ODAD3: variants seen among roughly 807,000 people sequenced by gnomAD.
ODAD3 encodes the protein outer dynein arm-docking complex subunit 3.
In ODAD3, 57 loss-of-function variants were observed where a neutral mutation model predicts 70.9. That is an observed-to-expected ratio of 0.80 (90% CI 0.65 to 1.00). ODAD3 has a LOEUF of 1.00. ODAD3 is among the 50% of genes least tolerant of loss of function. The pLI, the probability that ODAD3 is intolerant of heterozygous loss-of-function variation, is 0.00. For missense variants in ODAD3, 797 were observed against 763.9 expected (o/e 1.04, Z -0.51); for synonymous variants, 327 against 315.9 (o/e 1.04, Z -0.37).
Position 11,422,407 on chromosome 19 carries a change from C to A in ODAD3, c.1434+64G>T, listed in dbSNP as rs1421639618. The A allele has an allele frequency of 2.7e-6, 4 of 1,463,806 alleles. No individual in the cohort carries two copies. The highest frequency in any genetic ancestry group is 3.6e-6 in the Non-Finnish European group (4 of 1,103,708). 90.7% of individuals were successfully genotyped at this position (1,463,806 alleles called of 1,614,324 possible). A position where few individuals can be genotyped will look rare whatever the true frequency, so the allele number is the denominator to read the frequency against. ...GCAAGCTGGTGTGGCAGGAACCCCG[C>A]TTCGTGGCTGCGCCTCTGCGGTCCC... On this transcript the variant is annotated intron_variant, in intron 10 of 12. Coordinates refer to ENST00000356392, the MANE Select transcript of ODAD3 (RefSeq NM_145045.5). The surrounding 1 kb of genome is among the most constrained non-coding windows in gnomAD (Gnocchi z 4.6).
chr19:11,431,568 A>C (rs1279085434), intron 1 of ODAD3, among the ~76,000 whole-genome samples: 1 of 151,292 alleles, frequency 6.6e-6, no homozygotes, highest in Non-Finnish European at 1.5e-5. Flanking sequence ...AGGCGGGCGG[A>C]TCACCTGAGG....
At chr19:11,429,621 G>C (rs1969460551) in intron 3 of ODAD3, among the ~76,000 whole-genome samples, 1 of 151,928 alleles carries the variant, frequency 6.6e-6, no homozygotes, top group South Asian at 2.1e-4. Context: ...TCTTGGCCAG[G>C]CTGGTCTAGA....
At chr19:11,429,957 C>T (rs7253102) in intron 3 of ODAD3, among the ~76,000 whole-genome samples, 357 of 151,910 alleles carry the variant, frequency 2.4e-3, no homozygotes, top group African/African-American at 8.0e-3. Flanking sequence ...CCAGCCTCAG[C>T]CTCCTGAATA....
rs1233051844 is a variant in ODAD3 at position 11,422,082 on chromosome 19, CA to C, written c.1435-251del. 6.6e-6 allele frequency among the ~76,000 whole-genome samples: 1 copy of C among 152,106 alleles called. No homozygotes were observed. Among genetic ancestry groups the C allele is most frequent in the Non-Finnish European group, 1.5e-5 (1 of 68,008 alleles). ...GGAACAGTAAGGATTCGAGGGAGGC[CA>C]TTGTGGGATGGCCTCCTGAAGAAAT... On this transcript the variant is annotated intron_variant, in intron 10 of 12. Transcript: ENST00000356392. The surrounding 1 kb of genome is among the most constrained non-coding windows in gnomAD (Gnocchi z 4.6).
In ODAD3 at chr19:11,421,712, C is replaced by T. The variant is rs1599451756; in HGVS notation, c.1555G>A (p.Val519Met). 4 of 1,613,316 alleles carry T rather than the reference C, an allele frequency of 2.5e-6. No homozygotes were observed. Among genetic ancestry groups the T allele is most frequent in the Non-Finnish European group, 1.7e-6 (2 of 1,179,954 alleles). Reference sequence around the variant, plus strand: ...GCGATGTGGCACAGCATCTCCTGCACGTCGTGGCCCTGGAGCTGCGCCTGC... The same window carrying T: ...GCGATGTGGCACAGCATCTCCTGCATGTCGTGGCCCTGGAGCTGCGCCTGC... Reference protein sequence around the residue: ...KLQAQLQGHDVQEMLCHIANR... With the variant: ...KLQAQLQGHDMQEMLCHIANR... The change falls in exon 11 of 13, where the codon GTG (valine) becomes ATG (methionine). Residue 519 changes from valine (V) to methionine (M), a missense_variant. Val to Met is a conservative substitution (Grantham distance 21, BLOSUM62 1). Transcript: ENST00000356392.
intron 3 of ODAD3, among the ~76,000 whole-genome samples, chr19:11,427,287 T>A (rs1464929489): frequency 6.6e-6 from 1 of 151,804 alleles, no homozygotes. Context: ...ATTTTTAAAT[T>A]TTTCTTTCTT....
intron 3 of ODAD3, among the ~76,000 whole-genome samples, chr19:11,427,764 G>A (rs879614425): frequency 1.6e-4 from 24 of 151,734 alleles, no homozygotes; most frequent in Non-Finnish European, 3.4e-4. Flanking sequence ...TTACAGACGT[G>A]AGCCACCTCA....
At chr19:11,433,807 G>A (rs994225645) in intron 1 of ODAD3, among the ~76,000 whole-genome samples, 1 of 152,044 alleles carries the variant, frequency 6.6e-6, no homozygotes, top group Non-Finnish European at 1.5e-5. Context: ...TATGCCTGTA[G>A]TCCCAGCTAC....
rs138586590 is a variant in ODAD3 at position 11,435,025 on chromosome 19, T to TG, written c.-10dup. 196 of 1,606,626 alleles carry TG rather than the reference T, an allele frequency of 1.2e-4. No homozygotes were observed. In the East Asian group the frequency reaches 2.7e-3, roughly 22 times the overall value. ...CACAGAGGAGATGTCATGATGGGGT[T>TG]GGGGCTGAAGGCCCCTAGGGGTTAG... On this transcript the variant is annotated 5_prime_UTR_variant, in exon 1 of 13. Coordinates refer to ENST00000356392, the MANE Select transcript of ODAD3 (RefSeq NM_145045.5).
chr19:11,426,024 G>T, intron 7 of ODAD3, 120 bp downstream of exon 7: 2 of 1,351,716 alleles, frequency 1.5e-6, no homozygotes, highest in Non-Finnish European at 2.0e-6. Context: ...AGTCAGAGAG[G>T]GGGCGGGGTT....
In ODAD3 at chr19:11,426,883, T is replaced by G. The variant is rs780554581; in HGVS notation, c.602A>C (p.Glu201Ala). 1.2e-6 allele frequency: 2 copies of G among 1,609,274 alleles called. No individual in the cohort carries two copies. The highest frequency in any genetic ancestry group is 3.3e-5 in the Admixed American group (2 of 59,888). ...EMAEAQNRHT[E>A]VAKTMRNLEN... is the part of the protein sequence containing the mutation. The stretch of plus-strand genomic sequence containing the variant: ...CTCACCCGCCCCTACCTTGGCCACC[T>G]CCGTGTGTCTGTTTTGCGCCTCCGC... The change falls in exon 4 of 13, where the codon GAG (glutamate) becomes GCG (alanine). Residue 201 changes from glutamate (E) to alanine (A), a missense_variant. Transcript: ENST00000356392.
chr19:11,422,194 T>A lies in ODAD3; in HGVS notation c.1434+277A>T, dbSNP rs1004104948. On this transcript the variant is annotated intron_variant, in intron 10 of 12. Coordinates refer to ENST00000356392, the MANE Select transcript of ODAD3 (RefSeq NM_145045.5). This position sits in a 1 kb window ranked among gnomAD's most constrained non-coding sequence, Gnocchi z 4.6. ...GTCTCCGAGCTTTTCGGGGACAGGG[T>A]GGGACTTCTTTCCCTTGGAGGCGGA... Among the ~76,000 whole-genome samples the A allele has an allele frequency of 6.6e-6, 1 of 151,974 alleles. No homozygotes were observed. Among genetic ancestry groups the A allele is most frequent in the African/African-American group, 2.4e-5 (1 of 41,366 alleles).
chr19:11,435,046 G>A lies in ODAD3; in HGVS notation c.-30C>T. On this transcript the variant is annotated 5_prime_UTR_variant, in exon 1 of 13. Coordinates refer to ENST00000356392, the MANE Select transcript of ODAD3 (RefSeq NM_145045.5). ...GGGTTGGGGCTGAAGGCCCCTAGGGGTTAGGGGGATAACTAGGAGTCAGTC... is the reference window on the plus strand; with the variant it reads ...GGGTTGGGGCTGAAGGCCCCTAGGGATTAGGGGGATAACTAGGAGTCAGTC... 1 of 1,576,588 alleles carries A rather than the reference G, an allele frequency of 6.3e-7. No individual in the cohort carries two copies.
intron 12 of ODAD3, 57 bp from the exon 13 acceptor site, chr19:11,421,004 G>A: frequency 1.9e-6 from 3 of 1,589,420 alleles, no homozygotes; most frequent in Admixed American, 1.7e-5. Context: ...CCCCATCCCT[G>A]GCTCCCCTTC....
In ODAD3 at chr19:11,421,692, G is replaced by A; in HGVS notation, c.1575C>T (p.His525=). Residue 525 remains histidine (H), a synonymous_variant, in exon 11 of 13, where the codon CAC becomes CAT. Transcript: ENST00000356392. ...QGHDVQEMLC[H]IANREFLASL... ...TGCAGGGCACCTCGCGGTTAGCGAT[G>A]TGGCACAGCATCTCCTGCACGTCGT... 1 of 1,612,878 alleles carries A rather than the reference G, an allele frequency of 6.2e-7. No individual in the cohort carries two copies. The highest frequency in any genetic ancestry group is 8.5e-7 in the Non-Finnish European group (1 of 1,179,686).
chr19:11,424,586 T>G (rs1969225860), intron 7 of ODAD3, among the ~76,000 whole-genome samples: 1 of 135,092 alleles, frequency 7.4e-6, no homozygotes. Flanking sequence ...TATATATACC[T>G]ATGTGTATAA....
Position 11,422,712 on chromosome 19 carries a change from G to A in ODAD3, c.1266C>T (p.Ala422=), listed in dbSNP as rs759988346. 1 of 1,612,550 alleles carries A rather than the reference G, an allele frequency of 6.2e-7. No homozygotes were observed. Among genetic ancestry groups the A allele is most frequent in the Non-Finnish European group, 8.5e-7 (1 of 1,179,842 alleles). Residue 422 remains alanine (A), a synonymous_variant, in exon 9 of 13, where the codon GCC becomes GCT. Coordinates refer to ENST00000356392, the MANE Select transcript of ODAD3 (RefSeq NM_145045.5). This position sits in a 1 kb window ranked among gnomAD's most constrained non-coding sequence, Gnocchi z 4.6. ...CCCCGGTGCCTCACCTCACCAGCGT[G>A]GCCTCCCCCGAGTACTTGAGGTCTT... is the stretch of plus-strand genomic sequence containing the variant. ...ELEDLKYSGE[A]TLVSQQKLQA...
At chr19:11,425,326 TAC>T (rs369765418) in intron 7 of ODAD3, among the ~76,000 whole-genome samples, 9 of 138,950 alleles carry the variant, frequency 6.5e-5, no homozygotes, top group African/African-American at 2.3e-4. Flanking sequence ...TGTGTATATG[TAC>T]ATATGTGTAT....
chr19:11,424,587 A>ATG (rs1188033659), intron 7 of ODAD3, among the ~76,000 whole-genome samples: 14 of 134,680 alleles, frequency 1.0e-4, no homozygotes, highest in African/African-American at 4.0e-4. Context: ...ATATATACCT[A>ATG]TGTGTATAAA....
Sources: gnomAD v4.1 joint callset for allele counts (sites outside exome capture counted in the v4.1 genomes callset) on GRCh38, gnomAD v4.1.1 for gene constraint, Gnocchi (gnomAD v3.1) non-coding constraint, MANE v1.5 for transcripts, NCBI Gene and HGNC (gene_info 2026-07-23, HGNC 2026-07-21) for gene names.